The following PDLIM5 variants were observed in gnomAD, a reference collection of about 807,000 sequenced individuals.
PDLIM5 encodes the protein PDZ and LIM domain 5.
PDLIM5 carries 34 observed loss-of-function variants against 64.2 expected under a neutral mutation model. The ratio of observed to expected loss-of-function variants is 0.53; its 90% CI spans 0.40 to 0.71. The LOEUF is 0.71. Ranked by LOEUF, PDLIM5 falls within the 30% of genes least tolerant of loss-of-function variation. PDLIM5 has a pLI of 0.00. For missense variants in PDLIM5, 683 were observed against 733.6 expected (o/e 0.93, Z 0.80); for synonymous variants, 253 against 269.1 (o/e 0.94, Z 0.59).
At chr4:94,530,228 G>T (rs1730742351) in intron 3 of PDLIM5, among the ~76,000 whole-genome samples, 1 of 151,910 alleles carries the variant, frequency 6.6e-6, no homozygotes, top group Non-Finnish European at 1.5e-5. Context: ...TTCTTGTTCT[G>T]GTTTTTCAAC....
At chr4:94,556,889 T>C (rs1237747206) in intron 3 of PDLIM5, among the ~76,000 whole-genome samples, 1 of 152,232 alleles carries the variant, frequency 6.6e-6, no homozygotes, top group African/African-American at 2.4e-5. Context: ...TCTTTTGCTG[T>C]GCAGGAGCTC....
Position 94,586,432 on chromosome 4 carries a change from C to A in PDLIM5, c.908C>A (p.Thr303Lys). 6.6e-7 allele frequency: 1 copy of A among 1,503,802 alleles called. No individual in the cohort carries two copies. Among genetic ancestry groups the A allele is most frequent in the Non-Finnish European group, 9.2e-7 (1 of 1,084,632 alleles). 93.2% of individuals were successfully genotyped at this position (1,503,802 alleles called of 1,614,324 possible). ...GTGAAAGAATCTGAAGCCGATAATA[C>A]AAAGAAGGCAAAGTAAGTTCTCTAT... Reference protein sequence around the residue: ...EHLKESEADNTKKANNSQEPS... With the variant: ...EHLKESEADNKKKANNSQEPS... Residue 303 changes from threonine to lysine, a missense_variant, in exon 7 of 13, where the codon ACA (threonine) becomes AAA (lysine). Physicochemically the swap from Thr to Lys is moderately conservative, Grantham distance 78. Coordinates refer to ENST00000317968, the MANE Select transcript of PDLIM5 (RefSeq NM_006457.5).
At chr4:94,587,418 A>G in intron 7 of PDLIM5, 1 of 1,048,464 alleles carries the variant, frequency 9.5e-7, no homozygotes, top group Non-Finnish European at 1.1e-6. Flanking sequence ...GGTTGGTTGA[A>G]GCAGAGGATA....
chr4:94,650,406 A>G (rs1442677074), intron 9 of PDLIM5, among the ~76,000 whole-genome samples: 1 of 152,194 alleles, frequency 6.6e-6, no homozygotes, highest in Non-Finnish European at 1.5e-5. Flanking sequence ...AGAATATCAG[A>G]TTCTGTTTTT....
At chr4:94,499,753 C>T (rs1303000702) in intron 2 of PDLIM5, among the ~76,000 whole-genome samples, 1 of 152,164 alleles carries the variant, frequency 6.6e-6, no homozygotes, top group Non-Finnish European at 1.5e-5. Context: ...ACCACCTGAG[C>T]TCCGCCTCCT....
chr4:94,601,717 A>G (rs1236465109), intron 7 of PDLIM5, among the ~76,000 whole-genome samples: 5 of 152,178 alleles, frequency 3.3e-5, no homozygotes, highest in South Asian at 2.1e-4. Flanking sequence ...TCAAGATGCC[A>G]TCTATGTAAT....
intron 3 of PDLIM5, among the ~76,000 whole-genome samples, chr4:94,563,937 C>CT (rs1295763694): frequency 0.014 from 1,407 of 97,234 alleles, 11 homozygotes; most frequent in Middle Eastern, 0.055. Flanking sequence ...AGCAATTTTT[C>CT]TTTTTTTTTT....
At chr4:94,608,820 T>G (rs1738135407) in intron 7 of PDLIM5, among the ~76,000 whole-genome samples, 1 of 152,186 alleles carries the variant, frequency 6.6e-6, no homozygotes, top group African/African-American at 2.4e-5. Flanking sequence ...AACTTTATTA[T>G]TCCCTTTGAC....
chr4:94,465,123 A>C (rs886144967), intron 2 of PDLIM5, among the ~76,000 whole-genome samples: 2 of 152,022 alleles, frequency 1.3e-5, no homozygotes, highest in Non-Finnish European at 2.9e-5. Flanking sequence ...TAGTCTTTTT[A>C]TTCTTTTTGC....
intron 3 of PDLIM5, among the ~76,000 whole-genome samples, chr4:94,539,352 G>C (rs1355457047): frequency 6.6e-6 from 1 of 152,046 alleles, no homozygotes; most frequent in Admixed American, 6.6e-5. Flanking sequence ...TGAACTTGTC[G>C]GCTAAAGAGG....
At position 94,488,581 on chromosome 4, in the gene PDLIM5, A is replaced by G. The variant is rs1726565127; in HGVS notation, c.96+33197A>G. 3.3e-5 allele frequency among the ~76,000 whole-genome samples: 5 copies of G among 152,356 alleles called. 1 individual carries two copies. The South Asian group carries it at 1.0e-3, about 32-fold the overall frequency. Reference sequence around the variant, plus strand: ...AATGCATACCGTAAGTAGCCATGGAACAAACATCTTTTGTTATTTTTGATA... The same window carrying G: ...AATGCATACCGTAAGTAGCCATGGAGCAAACATCTTTTGTTATTTTTGATA... On this transcript the variant is annotated intron_variant, in intron 2 of 12. Coordinates refer to ENST00000317968, the MANE Select transcript of PDLIM5 (RefSeq NM_006457.5).
At chr4:94,471,573 A>T (rs1451186258) in intron 2 of PDLIM5, among the ~76,000 whole-genome samples, 3 of 152,136 alleles carry the variant, frequency 2.0e-5, no homozygotes, top group African/African-American at 7.2e-5. Flanking sequence ...AGTGAACTGT[A>T]TTCTACATGC....
chr4:94,640,480 G>A (rs1274662350), intron 9 of PDLIM5, 30 bp downstream of exon 9: 2 of 1,242,406 alleles, frequency 1.6e-6, no homozygotes, highest in Non-Finnish European at 1.1e-6. Flanking sequence ...TTTCTTGAAA[G>A]TACTTAATAT....
chr4:94,540,664 C>G (rs1011498670), intron 3 of PDLIM5, among the ~76,000 whole-genome samples: 2 of 152,144 alleles, frequency 1.3e-5, no homozygotes, highest in Admixed American at 1.3e-4. Flanking sequence ...AGTCCTAAAA[C>G]TGGTTGAGTG....
chr4:94,474,050 G>A (rs1258814547), intron 2 of PDLIM5, among the ~76,000 whole-genome samples: 1 of 152,138 alleles, frequency 6.6e-6, no homozygotes, highest in Non-Finnish European at 1.5e-5. Context: ...AGAAATTTTA[G>A]TATCTTTTGG....
chr4:94,657,360 T>C, intron 10 of PDLIM5, 67 bp from the exon 11 acceptor site: 1 of 1,155,428 alleles, frequency 8.7e-7, no homozygotes, highest in South Asian at 1.3e-5. Flanking sequence ...GGTACAGATA[T>C]TAGAATAAAC....
intron 2 of PDLIM5, among the ~76,000 whole-genome samples, chr4:94,463,852 G>A (rs140482613): frequency 1.3e-5 from 2 of 152,324 alleles, no homozygotes; most frequent in African/African-American, 4.8e-5. Context: ...ATGAGACTCA[G>A]TGTGTTTTTA....
intron 12 of PDLIM5, 78 bp from the exon 13 acceptor site, chr4:94,663,900 C>T (rs1462477918): frequency 6.9e-7 from 1 of 1,456,148 alleles, no homozygotes; most frequent in Non-Finnish European, 9.3e-7. Context: ...AAATCACTCT[C>T]TCCTTCTCCA....
At chr4:94,622,964 C>T (rs182832912) in intron 8 of PDLIM5, among the ~76,000 whole-genome samples, 11 of 152,220 alleles carry the variant, frequency 7.2e-5, no homozygotes, top group East Asian at 5.8e-4. Flanking sequence ...CCACCACGCC[C>T]GGCCTCCATT....
Sources: gnomAD v4.1 joint callset for allele counts (sites outside exome capture counted in the v4.1 genomes callset) on GRCh38, gnomAD v4.1.1 for gene constraint, MANE v1.5 for transcripts, NCBI Gene and HGNC (gene_info 2026-07-23, HGNC 2026-07-21) for gene names.